IPO7: variants seen among roughly 807,000 people sequenced by gnomAD.
The protein encoded by IPO7 is importin 7, also known as importin-7.
Under a neutral mutation model 136.4 loss-of-function variants are expected in IPO7, and 13 were observed. The observed-to-expected ratio is 0.10, with a 90% CI of 0.06 to 0.15. The LOEUF (loss-of-function observed/expected upper bound fraction) is 0.15. Among genes scored for constraint, IPO7 ranks in the 10% least tolerant of loss-of-function variants. The pLI, the probability that IPO7 is intolerant of heterozygous loss-of-function variation, is 1.00. For synonymous variants in IPO7, 403 were observed against 404.4 expected (o/e 1.00, Z 0.04); for missense variants, 857 against 1,240.6 (o/e 0.69, Z 4.65).
intron 1 of IPO7, among the ~76,000 whole-genome samples, chr11:9,392,946 C>A (rs867592978): frequency 0.011 from 1,138 of 99,350 alleles, no homozygotes; most frequent in Middle Eastern, 0.02. Flanking sequence ...GACTCTGTCT[C>A]AAAAAAAAAA....
intron 6 of IPO7, among the ~76,000 whole-genome samples, chr11:9,419,364 A>G (rs59175803): frequency 0.046 from 7,003 of 151,436 alleles, 508 homozygotes; most frequent in African/African-American, 0.15. Context: ...CCTGGCCAAC[A>G]TGGTGAAACC....
intron 12 of IPO7, among the ~76,000 whole-genome samples, chr11:9,426,688 C>T (rs12280161): frequency 0.014 from 2,201 of 152,200 alleles, 51 homozygotes; most frequent in African/African-American, 0.05. Flanking sequence ...GCTTACTATC[C>T]GTTTGTATAT....
intron 6 of IPO7, among the ~76,000 whole-genome samples, chr11:9,419,559 A>AAAAAAT (rs1256216265): frequency 1.4e-4 from 16 of 116,846 alleles, no homozygotes; most frequent in African/African-American, 3.0e-4. Flanking sequence ...AAAAAAAAAA[A>AAAAAAT]ATATATATAT....
rs1590430386 is a variant in IPO7, at chr11:9,401,894, A to G, written c.85-1396A>G. 1.3e-5 allele frequency among the ~76,000 whole-genome samples: 2 copies of G among 152,218 alleles called. 1 individual carries two copies. On this transcript the variant is annotated intron_variant, in intron 1 of 24. Coordinates refer to ENST00000379719, the MANE Select transcript of IPO7 (RefSeq NM_006391.3). ...AGTCATATCAAGAAATAACATTATT[A>G]CCACCTTGGACACTACCCCCAAACT...
At chr11:9,402,399 C>CAAAAAAAAAGAAAAAAAAAAAA (rs1854811514) in intron 1 of IPO7, among the ~76,000 whole-genome samples, 1 of 44,858 alleles carries the variant, frequency 2.2e-5, no homozygotes, top group African/African-American at 1.2e-4. Flanking sequence ...GACTGTGTCT[C>CAAAAAAAAAGAAAAAAAAAAAA]AAAAAAAAAA....
In IPO7 at chr11:9,433,797, A is replaced by T. The variant is rs1232038016; in HGVS notation, c.2025A>T (p.Leu675=). The T allele has an allele frequency of 8.1e-6, 13 of 1,611,564 alleles. No homozygotes were observed. Among genetic ancestry groups the T allele is most frequent in the Non-Finnish European group, 1.0e-5 (12 of 1,179,736 alleles). ...TGTCTCCACAGATGTGGCAGCTACT[A>T]CCCCTTGTATTTGAAGTCTTTCAGC... ...QQVSPQMWQL[L]PLVFEVFQQD... The change falls in exon 18 of 25, where the codon CTA becomes CTT. Residue 675 remains leucine, a synonymous_variant. Coordinates refer to ENST00000379719, the MANE Select transcript of IPO7 (RefSeq NM_006391.3).
In IPO7 at chr11:9,438,159, G is replaced by A; in HGVS notation, c.2569G>A (p.Val857Ile). The A allele has an allele frequency of 6.3e-7, 1 of 1,581,492 alleles. No homozygotes were observed. The highest frequency in any genetic ancestry group is 8.6e-7 in the Non-Finnish European group (1 of 1,165,806). ...ACAGATACCCCAAGTTTTAAATCAG[G>A]TTTCTGGACAGATTTTGCCGGCTTT... ...MEQIPQVLNQ[V>I]SGQILPAFIL... is the part of the protein sequence containing the mutation. The change falls in exon 22 of 25, where the codon GTT becomes ATT. Residue 857 changes from valine (V) to isoleucine (I), a missense_variant. Val to Ile is a conservative substitution (Grantham distance 29). Around this residue, in one of 11 missense-constraint regions of IPO7, gnomAD observed 7 missense variants for 45.6 expected, o/e 0.15. Coordinates refer to ENST00000379719, the MANE Select transcript of IPO7 (RefSeq NM_006391.3).
At chr11:9,443,231 G>C (rs1170642542) in intron 24 of IPO7, among the ~76,000 whole-genome samples, 1 of 151,732 alleles carries the variant, frequency 6.6e-6, no homozygotes. Context: ...TACAGTTGAA[G>C]ACTACTTTCA....
chr11:9,400,873 TAA>T (rs1854784548), intron 1 of IPO7, among the ~76,000 whole-genome samples: 1 of 151,834 alleles, frequency 6.6e-6, no homozygotes. Context: ...CAGAGTGGGG[TAA>T]AGTCTGTAAG....
At chr11:9,426,983 A>C (rs926554510) in intron 12 of IPO7, among the ~76,000 whole-genome samples, 2 of 151,264 alleles carry the variant, frequency 1.3e-5, no homozygotes, top group African/African-American at 4.9e-5. Context: ...GGTTCAAGTG[A>C]TTCTCATGCC....
At position 9,408,654 on chromosome 11, in the gene IPO7, A is replaced by C; in HGVS notation, c.320+15A>C. ...GAGCTCATCAGGTATGTATTTTTAA[A>C]ATTTACCCATTTCTGCAGGTGTGTA... On this transcript the variant is annotated intron_variant, in intron 3 of 24. Coordinates refer to ENST00000379719, the MANE Select transcript of IPO7 (RefSeq NM_006391.3). 1 of 1,518,958 alleles carries C rather than the reference A, an allele frequency of 6.6e-7. No homozygotes were observed. Among genetic ancestry groups the C allele is most frequent in the South Asian group, 1.3e-5 (1 of 77,656 alleles). 94.1% of individuals were successfully genotyped at this position (1,518,958 alleles called of 1,614,324 possible).
At chr11:9,391,606 C>G (rs1168438479) in intron 1 of IPO7, among the ~76,000 whole-genome samples, 1 of 152,060 alleles carries the variant, frequency 6.6e-6, no homozygotes, top group African/African-American at 2.4e-5. Flanking sequence ...ACTCAGGAGG[C>G]TGAGGCAGAA....
At chr11:9,423,714 G>T in intron 9 of IPO7, 63 bp from the exon 10 acceptor site, 1 of 1,052,642 alleles carries the variant, frequency 9.5e-7, no homozygotes. Context: ...AATACTTAAA[G>T]GAAATTTGAA....
chr11:9,384,724 G>C lies in IPO7; in HGVS notation c.-40G>C, dbSNP rs371430578. 136 of 1,524,698 alleles carry C rather than the reference G, an allele frequency of 8.9e-5. No homozygotes were observed. Among genetic ancestry groups the C allele is most frequent in the Non-Finnish European group, 1.2e-4 (130 of 1,121,556 alleles). The allele number at this position is 1,524,698 out of a possible 1,614,324, so 94.4% of individuals were successfully genotyped here. Reference sequence around the variant, plus strand: ...AGTGAGTGGCGCTATTCCTGGCCCAGTAGCACCCGAGCCCCGGGTTTGACC... The same window carrying C: ...AGTGAGTGGCGCTATTCCTGGCCCACTAGCACCCGAGCCCCGGGTTTGACC... On this transcript the variant is annotated 5_prime_UTR_variant, in exon 1 of 25. Transcript: ENST00000379719.
At chr11:9,436,890 T>A (rs1397462939) in intron 20 of IPO7, among the ~76,000 whole-genome samples, 4 of 96,144 alleles carry the variant, frequency 4.2e-5, no homozygotes, top group African/African-American at 1.6e-4. Context: ...TTTTTTTTTT[T>A]TTTTTTTTTT....
In IPO7 at chr11:9,392,423, C is replaced by A. The variant is rs1854649670; in HGVS notation, c.84+7576C>A. On this transcript the variant is annotated intron_variant, in intron 1 of 24. Coordinates refer to ENST00000379719, the MANE Select transcript of IPO7 (RefSeq NM_006391.3). ...ACTCCCGAGATCCGCCCACCTTGGT[C>A]TCCCTAAGTGCTGGGATTACAGGTG... 3 of 221,422 alleles carry A rather than the reference C, an allele frequency of 1.4e-5. No individual in the cohort carries two copies. In the South Asian group the frequency reaches 1.4e-4, roughly 10 times the overall value. The allele number at this position is 221,422 out of a possible 1,614,324, so 13.7% of individuals were successfully genotyped here.
chr11:9,433,401 T>G (rs76181848), intron 16 of IPO7, 169 bp from the exon 17 acceptor site: 1 of 560,484 alleles, frequency 1.8e-6, no homozygotes, highest in Non-Finnish European at 3.2e-6. Flanking sequence ...TTTCATTCTA[T>G]TTTTATCTGA....
chr11:9,397,341 A>AAAAAAAAAAAAAAAAAAAATATATAT, intron 1 of IPO7, among the ~76,000 whole-genome samples: 18 of 10,756 alleles, frequency 1.7e-3, no homozygotes, highest in Non-Finnish European at 2.6e-3. Context: ...TTTAAAAAAA[A>AAAAAAAAAAAAAAAAAAAATATATAT]ATATATATAT....
Position 9,433,523 on chromosome 11 carries a change from C to T in IPO7, c.1882-47C>T, listed in dbSNP as rs1018403893. On this transcript the variant is annotated intron_variant, in intron 16 of 24. Transcript: ENST00000379719. ...TATAATATGCGTTGTCTTACTAAGT[C>T]ATTTAGTAGGCTGTAACTGCATATG... The T allele has an allele frequency of 6.9e-6, 9 of 1,301,242 alleles. No homozygotes were observed. The African/African-American group carries it at 1.3e-4, about 19-fold the overall frequency. The allele number at this position is 1,301,242 out of a possible 1,614,324, so 80.6% of individuals were successfully genotyped here.
Sources: gnomAD v4.1 joint callset for allele counts (sites outside exome capture counted in the v4.1 genomes callset) on GRCh38, gnomAD v4.1.1 for gene constraint, gnomAD v4.1.1 regional missense constraint, MANE v1.5 for transcripts, NCBI Gene and HGNC (gene_info 2026-07-23, HGNC 2026-07-21) for gene names.